AMPD3: variants seen among roughly 807,000 people sequenced by gnomAD.
AMPD3 encodes AMP deaminase 3.
Under a neutral mutation model 82.3 loss-of-function variants are expected in AMPD3, and 57 were observed. The observed-to-expected ratio is 0.69, with a 90% CI of 0.56 to 0.86. The LOEUF is 0.86. Ranked by LOEUF, AMPD3 falls within the 40% of genes least tolerant of loss-of-function variation. The pLI, the probability that AMPD3 is intolerant of heterozygous loss-of-function variation, is 0.00. For synonymous variants in AMPD3, 381 were observed against 394.7 expected (o/e 0.97, Z 0.41); for missense variants, 870 against 1,003.8 (o/e 0.87, Z 1.80).
At chr11:10,497,821 G>A (rs933908673) in intron 10 of AMPD3, 1 of 985,230 alleles carries the variant, frequency 1.0e-6, no homozygotes. Context: ...CTTCTGCCTG[G>A]CCTGGTCAGA....
intron 1 of AMPD3, 147 bp downstream of exon 1, chr11:10,455,595 G>A (rs1231968591): frequency 3.0e-6 from 1 of 332,718 alleles, no homozygotes; most frequent in Non-Finnish European, 4.3e-6. Context: ...GGGAAGAAAG[G>A]AAGGAGTGGG....
intron 1 of AMPD3, 77 bp downstream of exon 1, chr11:10,455,525 G>A (rs188518589): frequency 1.3e-6 from 1 of 791,094 alleles, no homozygotes; most frequent in Admixed American, 6.2e-5. Flanking sequence ...GTGGATGGGG[G>A]TGGGGGTTCT....
At position 10,456,977 on chromosome 11, in the gene AMPD3, CTT is replaced by C. The variant is rs571427952; in HGVS notation, c.-6+1546_-6+1547del. ...TTGTTGTGGTTGCTGTTGTTTCTTG[CTT>C]TTTTTTTTTTTTTTTTGAGAGAAGG... On this transcript the variant is annotated intron_variant, in intron 1 of 14. Transcript: ENST00000396553. The surrounding 1 kb of genome is among the most constrained non-coding windows in gnomAD (Gnocchi z 4.3). Among the ~76,000 whole-genome samples, 47 of 129,164 alleles carry C rather than the reference CTT, an allele frequency of 3.6e-4. No homozygotes were observed. Among genetic ancestry groups the C allele is most frequent in the Non-Finnish European group, 3.1e-4 (19 of 61,356 alleles). The allele number at this position is 129,164 out of a possible 152,430, so 84.7% of individuals were successfully genotyped here. A position where few individuals can be genotyped will look rare whatever the true frequency, so the allele number is the denominator to read the frequency against.
intron 1 of AMPD3, among the ~76,000 whole-genome samples, chr11:10,458,306 TCC>T (rs778622272): frequency 0.028 from 4,031 of 142,868 alleles, 81 homozygotes; most frequent in South Asian, 0.075. Context: ...GCTCCCTCCC[TCC>T]CTCCCTTCGG....
At chr11:10,476,888 AG>A (rs1848754014) in intron 2 of AMPD3, 7 of 982,752 alleles carry the variant, frequency 7.1e-6, no homozygotes, top group Non-Finnish European at 8.5e-6. Flanking sequence ...CCCAGGGCTC[AG>A]GTTGAGTTTC....
intron 2 of AMPD3, among the ~76,000 whole-genome samples, chr11:10,475,354 C>T (rs1211310381): frequency 6.6e-6 from 1 of 152,140 alleles, no homozygotes; most frequent in African/African-American, 2.4e-5. Flanking sequence ...CCCCTACCTC[C>T]AACACCGGGG....
rs373063471 is a variant in AMPD3 at position 10,495,750 on chromosome 11, G to T, written c.1430+17G>T. On this transcript the variant is annotated intron_variant, in intron 9 of 14. Coordinates refer to ENST00000396553, the MANE Select transcript of AMPD3 (RefSeq NM_001025389.2). ...CCGGATTTAGTAAGTGAGGTGGCCCGCTGTCTACCCTGTGCCCTACAGAGG... is the reference window on the plus strand; with the variant it reads ...CCGGATTTAGTAAGTGAGGTGGCCCTCTGTCTACCCTGTGCCCTACAGAGG... 5.6e-6 allele frequency: 9 copies of T among 1,613,738 alleles called. No homozygotes were observed. In the South Asian group the frequency reaches 9.9e-5, roughly 18 times the overall value.
At chr11:10,481,207 C>G (rs1848893508) in intron 3 of AMPD3, among the ~76,000 whole-genome samples, 2 of 152,110 alleles carry the variant, frequency 1.3e-5, no homozygotes, top group African/African-American at 4.8e-5. Flanking sequence ...GGGCTTGTTG[C>G]CTGGATGAGT....
upstream of AMPD3, chr11:10,450,623 CGGA>C (rs1847935874): frequency 3.6e-5 from 36 of 995,994 alleles, no homozygotes; most frequent in Non-Finnish European, 4.2e-5. Flanking sequence ...GCGGGCCCCG[CGGA>C]GCCCAGGAGG....
rs750786612 is a variant in AMPD3 at position 10,482,150 on chromosome 11, C to G, written c.514C>G (p.Arg172Gly). ...REKYARLAYHRFPRITSQYLG... is the reference protein window; with the variant it reads ...REKYARLAYHGFPRITSQYLG... ...GAAGTATGCGCGGCTCGCCTACCAC[C>G]GCTTCCCGCGGATCACATCCCAGTA... The change falls in exon 4 of 15, where the codon CGC becomes GGC. Residue 172 changes from arginine to glycine, a missense_variant. Arg to Gly is a moderately radical substitution (Grantham distance 125). Coordinates refer to ENST00000396553, the MANE Select transcript of AMPD3 (RefSeq NM_001025389.2). 11 of 1,614,066 alleles carry G rather than the reference C, an allele frequency of 6.8e-6. No individual in the cohort carries two copies. Among genetic ancestry groups the G allele is most frequent in the Non-Finnish European group, 9.3e-6 (11 of 1,180,030 alleles).
At chr11:10,502,618 C>A in intron 12 of AMPD3, 103 bp from the exon 13 acceptor site, 1 of 1,591,902 alleles carries the variant, frequency 6.3e-7, no homozygotes, top group South Asian at 1.1e-5. Context: ...GGTTCAGACC[C>A]CTGGTTTCCA....
At chr11:10,496,786 A>G in intron 9 of AMPD3, 26 bp from the exon 10 acceptor site, 1 of 1,614,110 alleles carries the variant, frequency 6.2e-7, no homozygotes, top group Non-Finnish European at 8.5e-7. Context: ...GATCCACCTG[A>G]CAAGCGAGTC....
intron 13 of AMPD3, 36 bp from the exon 14 acceptor site, chr11:10,504,513 C>T (rs7943804): frequency 0.89 from 1,406,337 of 1,581,542 alleles, 626,052 homozygotes; most frequent in Admixed American, 0.93. Context: ...ATGGATATCC[C>T]CCCTTCTAAT....
At chr11:10,451,192 C>G, upstream of AMPD3, 2 of 1,458,208 alleles carry the variant, frequency 1.4e-6, no homozygotes, top group Admixed American at 4.5e-5. Flanking sequence ...GGTCCGATCC[C>G]TTGCCCTGTC....
At chr11:10,488,087 G>C (rs1849129285) in intron 6 of AMPD3, 1 of 374,868 alleles carries the variant, frequency 2.7e-6, no homozygotes, top group African/African-American at 2.2e-5. Context: ...TTAAAGAAAA[G>C]CCTCTGATAT....
Position 10,493,389 on chromosome 11 carries a change from A to G in AMPD3, c.980A>G (p.Lys327Arg), listed in dbSNP as rs1162530639. ...HIHAAACMNQKHLLRFIKHTY... is the reference protein window; with the variant it reads ...HIHAAACMNQRHLLRFIKHTY... Reference sequence around the variant, plus strand: ...CATGCGGCCGCCTGCATGAACCAAAAGCATCTGCTGCGCTTCATCAAGCAC... The same window carrying G: ...CATGCGGCCGCCTGCATGAACCAAAGGCATCTGCTGCGCTTCATCAAGCAC... Residue 327 changes from lysine to arginine, a missense_variant, in exon 7 of 15, where the codon AAG (lysine) becomes AGG (arginine). Transcript: ENST00000396553. 1 of 1,614,244 alleles carries G rather than the reference A, an allele frequency of 6.2e-7. No homozygotes were observed. Among genetic ancestry groups the G allele is most frequent in the Non-Finnish European group, 8.5e-7 (1 of 1,180,048 alleles).
intron 10 of AMPD3, 127 bp from the exon 11 acceptor site, chr11:10,499,959 C>T: frequency 6.5e-7 from 1 of 1,530,204 alleles, no homozygotes; most frequent in Non-Finnish European, 8.8e-7. Flanking sequence ...CAAGGGGTCC[C>T]CAGCTGAGGT....
At chr11:10,482,338 T>A (rs970262104) in intron 4 of AMPD3, 113 bp downstream of exon 4, 24 of 1,208,498 alleles carry the variant, frequency 2.0e-5, no homozygotes, top group Non-Finnish European at 2.4e-5. Flanking sequence ...ATGACAATGT[T>A]CTTTCATTGG....
In AMPD3 at chr11:10,456,452, C is replaced by T; in HGVS notation, c.-6+1004C>T. 2 of 1,613,776 alleles carry T rather than the reference C, an allele frequency of 1.2e-6. No individual in the cohort carries two copies. Among genetic ancestry groups the T allele is most frequent in the Non-Finnish European group, 1.7e-6 (2 of 1,179,698 alleles). Reference sequence around the variant, plus strand: ...GGAGTCTGGCAAGAGTAGGAACCAGCTTCCTTCGTATAACGAGGGGATTTC... The same window carrying T: ...GGAGTCTGGCAAGAGTAGGAACCAGTTTCCTTCGTATAACGAGGGGATTTC... On this transcript the variant is annotated intron_variant, in intron 1 of 14. Transcript: ENST00000396553. The surrounding 1 kb of genome is among the most constrained non-coding windows in gnomAD (Gnocchi z 4.3).
Sources: gnomAD v4.1 joint callset for allele counts (sites outside exome capture counted in the v4.1 genomes callset) on GRCh38, gnomAD v4.1.1 for gene constraint, Gnocchi (gnomAD v3.1) non-coding constraint, MANE v1.5 for transcripts, NCBI Gene and HGNC (gene_info 2026-07-23, HGNC 2026-07-21) for gene names.